Variants in TPD52 observed in about 807,000 individuals in gnomAD.
The protein encoded by TPD52 is prostate and colon associated protein.
TPD52 carries 17 observed loss-of-function variants against 31.3 expected under a neutral mutation model. The observed-to-expected ratio is 0.54, with a 90% CI of 0.37 to 0.82. The LOEUF (loss-of-function observed/expected upper bound fraction) is 0.82, where lower values mean the gene tolerates loss of function less well. Among genes scored for constraint, TPD52 ranks in the 40% least tolerant of loss-of-function variants. TPD52 has a pLI of 0.00. For synonymous variants in TPD52, 83 were observed against 89.6 expected (o/e 0.93, Z 0.42); for missense variants, 212 against 240.1 (o/e 0.88, Z 0.77).
At chr8:80,096,843 A>C (rs1469214612) in intron 1 of TPD52, among the ~76,000 whole-genome samples, 2 of 152,158 alleles carry the variant, frequency 1.3e-5, no homozygotes, top group Non-Finnish European at 2.9e-5. Flanking sequence ...AATTAGGCCA[A>C]TTAATGTCCC....
intron 1 of TPD52, among the ~76,000 whole-genome samples, chr8:80,096,513 A>C (rs1477477276): frequency 6.6e-6 from 1 of 152,178 alleles, no homozygotes; most frequent in Non-Finnish European, 1.5e-5. Flanking sequence ...GGTTTATGGC[A>C]ACACTGTGTC....
intron 1 of TPD52, among the ~76,000 whole-genome samples, chr8:80,141,849 G>T (rs1416761289): frequency 6.6e-6 from 1 of 152,020 alleles, no homozygotes; most frequent in African/African-American, 2.4e-5. Context: ...GGCAGAGGTT[G>T]CAGTGAGCTG....
intron 1 of TPD52, among the ~76,000 whole-genome samples, chr8:80,115,812 A>G (rs1234584247): frequency 6.6e-6 from 1 of 152,228 alleles, no homozygotes; most frequent in Non-Finnish European, 1.5e-5. Flanking sequence ...ACGGAAATGG[A>G]GGATAAATCT....
Position 80,123,662 on chromosome 8 carries a change from G to A in TPD52, c.19+47763C>T, listed in dbSNP as rs188474262. 7.4e-4 allele frequency among the ~76,000 whole-genome samples: 113 copies of A among 152,328 alleles called. 1 individual carries two copies. Among genetic ancestry groups the A allele is most frequent in the Non-Finnish European group, 1.2e-3 (80 of 68,030 alleles). ...TGGAAATAAGATTCTGATGCTGGCGGGAATAACCAAAGAAACGGCTTATAA... is the reference window on the plus strand; with the variant it reads ...TGGAAATAAGATTCTGATGCTGGCGAGAATAACCAAAGAAACGGCTTATAA... On this transcript the variant is annotated intron_variant, in intron 1 of 7. Transcript: ENST00000518937.
chr8:80,123,449 G>A (rs918569629), intron 1 of TPD52, among the ~76,000 whole-genome samples: 7 of 152,182 alleles, frequency 4.6e-5, no homozygotes, highest in Admixed American at 1.3e-4. Context: ...TATTCCAGCC[G>A]GGCACAACAG....
chr8:80,040,164 G>C (rs191047296), intron 7 of TPD52, among the ~76,000 whole-genome samples: 1 of 143,952 alleles, frequency 6.9e-6, no homozygotes, highest in African/African-American at 2.6e-5. Flanking sequence ...GATACTTGGG[G>C]TATCTGTTTA....
chr8:80,032,152 C>CAAAAA (rs150988844), downstream of TPD52, among the ~76,000 whole-genome samples: 4 of 56,532 alleles, frequency 7.1e-5, no homozygotes, highest in Non-Finnish European at 9.9e-5. Context: ...GACTCCAGCT[C>CAAAAA]AAAAAAAAAA....
intron 1 of TPD52, among the ~76,000 whole-genome samples, chr8:80,093,238 G>A (rs570281947): frequency 5.9e-5 from 9 of 152,158 alleles, no homozygotes; most frequent in Non-Finnish European, 1.3e-4. Flanking sequence ...AATGAAAGCA[G>A]GCCATTCTTA....
intron 1 of TPD52, among the ~76,000 whole-genome samples, chr8:80,076,104 T>C (rs946964157): frequency 6.6e-6 from 1 of 152,214 alleles, no homozygotes; most frequent in African/African-American, 2.4e-5. Flanking sequence ...ATAAGCCAAG[T>C]CTGCATCTTC....
chr8:80,087,344 T>C (rs1278607183), intron 1 of TPD52, among the ~76,000 whole-genome samples: 1 of 152,154 alleles, frequency 6.6e-6, no homozygotes, highest in East Asian at 1.9e-4. Context: ...TGGAATACTA[T>C]GCAGTCATAA....
At chr8:80,095,489 A>G (rs1816659213) in intron 1 of TPD52, among the ~76,000 whole-genome samples, 1 of 152,220 alleles carries the variant, frequency 6.6e-6, no homozygotes, top group Non-Finnish European at 1.5e-5. Context: ...ACTGGACAAC[A>G]CTAATAAAAA....
intron 1 of TPD52, chr8:80,067,482 T>C (rs1372650423): frequency 6.6e-6 from 1 of 151,746 alleles, no homozygotes; most frequent in Non-Finnish European, 1.5e-5. Flanking sequence ...CATGACAGAG[T>C]GCATTCCATT....
chr8:80,110,308 T>C (rs546898826), intron 1 of TPD52, among the ~76,000 whole-genome samples: 6 of 152,228 alleles, frequency 3.9e-5, no homozygotes, highest in Non-Finnish European at 7.3e-5. Flanking sequence ...TAAATGTATA[T>C]TCAAAAACAT....
chr8:80,100,486 A>G (rs113589210), intron 1 of TPD52, among the ~76,000 whole-genome samples: 48 of 152,346 alleles, frequency 3.2e-4, no homozygotes, highest in African/African-American at 1.1e-3. Flanking sequence ...TGCCTCACTG[A>G]AAAACCCTAC....
chr8:80,163,028 A>T (rs1340259788), intron 1 of TPD52, among the ~76,000 whole-genome samples: 2 of 152,220 alleles, frequency 1.3e-5, no homozygotes, highest in Non-Finnish European at 2.9e-5. Flanking sequence ...CTGTTGGTGC[A>T]AATGTAAATT....
chr8:80,127,052 G>C (rs1308532744), intron 1 of TPD52, among the ~76,000 whole-genome samples: 1 of 151,796 alleles, frequency 6.6e-6, no homozygotes, highest in Non-Finnish European at 1.5e-5. Context: ...AAGGCTGCAG[G>C]GAGCTGAGAT....
At chr8:80,129,744 G>T (rs1458778167) in intron 1 of TPD52, among the ~76,000 whole-genome samples, 10 of 135,832 alleles carry the variant, frequency 7.4e-5, no homozygotes, top group African/African-American at 2.6e-4. Flanking sequence ...CCATCACCCA[G>T]GCTGGAGTGC....
At chr8:80,057,451 A>G (rs1011450572) in intron 2 of TPD52, among the ~76,000 whole-genome samples, 7 of 152,234 alleles carry the variant, frequency 4.6e-5, no homozygotes, top group Admixed American at 1.3e-4. Context: ...CCACTGTCCA[A>G]TGTGGTACAT....
At chr8:80,079,070 C>A (rs942778575) in intron 1 of TPD52, among the ~76,000 whole-genome samples, 35 of 152,214 alleles carry the variant, frequency 2.3e-4, no homozygotes, top group African/African-American at 7.0e-4. Context: ...CCCCGCAAGT[C>A]ACTTGAGTTT....
Sources: allele counts gnomAD v4.1 joint callset (sites outside exome capture counted in the v4.1 genomes callset), GRCh38; gene constraint gnomAD v4.1.1; transcripts MANE v1.5; gene names NCBI Gene and HGNC (gene_info 2026-07-23, HGNC 2026-07-21).